The following NRG3 variants were observed in gnomAD, a reference collection of about 807,000 sequenced individuals.
The protein encoded by NRG3 is pro-neuregulin-3, membrane-bound isoform.
Under a neutral mutation model 66.9 loss-of-function variants are expected in NRG3, and 31 were observed. The observed-to-expected ratio is 0.46, with a 90% CI of 0.35 to 0.63. The LOEUF (loss-of-function observed/expected upper bound fraction) is 0.63, where lower values mean the gene tolerates loss of function less well. Ranked by LOEUF, NRG3 falls within the 20% of genes least tolerant of loss-of-function variation. The pLI is 0.00. For synonymous variants in NRG3, 393 were observed against 359.4 expected, an observed-to-expected ratio of 1.09 and a Z score of -1.06; for missense variants, 910 against 878.9, an observed-to-expected ratio of 1.04 and a Z score of -0.45.
At chr10:82,107,195 CA>C (rs1199781237) in intron 1 of NRG3, among the ~76,000 whole-genome samples, 1 of 152,156 alleles carries the variant, frequency 6.6e-6, no homozygotes, top group Non-Finnish European at 1.5e-5. Context: ...ATCCCTAATC[CA>C]AAATACTCCA....
chr10:81,969,217 C>T (rs947037825), intron 1 of NRG3, among the ~76,000 whole-genome samples: 3 of 152,000 alleles, frequency 2.0e-5, no homozygotes, highest in Non-Finnish European at 2.9e-5. Flanking sequence ...TGAAGAGCAA[C>T]CAATATGTCC....
intron 2 of NRG3, among the ~76,000 whole-genome samples, chr10:82,657,809 C>T (rs922128275): frequency 2.0e-5 from 3 of 151,540 alleles, no homozygotes; most frequent in African/African-American, 7.3e-5. Context: ...AAGATACAAA[C>T]TACTAGAGTT....
intron 1 of NRG3, among the ~76,000 whole-genome samples, chr10:81,951,785 G>C (rs1001783211): frequency 5.3e-5 from 8 of 152,154 alleles, no homozygotes; most frequent in African/African-American, 1.9e-4. Context: ...TATACCCAAA[G>C]GATTATAAAT....
intron 2 of NRG3, among the ~76,000 whole-genome samples, chr10:82,615,636 AG>A (rs2048598237): frequency 6.6e-6 from 1 of 152,190 alleles, no homozygotes; most frequent in Admixed American, 6.6e-5. Flanking sequence ...ATCAGGCTTC[AG>A]TAGATGCCAT....
rs187638552 is a variant in NRG3 at position 82,499,473 on chromosome 10, T to G, written c.953+140605T>G. On this transcript the variant is annotated intron_variant, in intron 2 of 8. Coordinates refer to ENST00000372141, the MANE Select transcript of NRG3 (RefSeq NM_001010848.4). ...ACATGTTCTTGACCTTGCCTTGCTA[T>G]TTAGGGCTTACCATATACAGATGAT... Among the ~76,000 whole-genome samples, 86 of 152,262 alleles carry G rather than the reference T, an allele frequency of 5.6e-4. No homozygotes were observed. The Middle Eastern group carries it at 0.01, about 18-fold the overall frequency.
At chr10:82,174,945 C>A (rs1284954152) in intron 1 of NRG3, among the ~76,000 whole-genome samples, 1 of 152,096 alleles carries the variant, frequency 6.6e-6, no homozygotes, top group African/African-American at 2.4e-5. Flanking sequence ...ACAGTACAAC[C>A]CTTTCCCATT....
At chr10:82,289,755 A>G (rs1211369248) in intron 1 of NRG3, among the ~76,000 whole-genome samples, 1 of 152,218 alleles carries the variant, frequency 6.6e-6, no homozygotes, top group African/African-American at 2.4e-5. Flanking sequence ...ATTTTTAACA[A>G]GAGTTCTTAA....
intron 2 of NRG3, among the ~76,000 whole-genome samples, chr10:82,382,229 G>A (rs1189691398): frequency 6.6e-6 from 1 of 151,924 alleles, no homozygotes; most frequent in Non-Finnish European, 1.5e-5. Context: ...TTGCCTTCCA[G>A]TCTTGGCCAG....
intron 1 of NRG3, among the ~76,000 whole-genome samples, chr10:82,139,906 A>T (rs2069644506): frequency 2.1e-5 from 1 of 48,470 alleles, no homozygotes; most frequent in African/African-American, 1.6e-4. Context: ...TAGATGAATC[A>T]CCAGATTTGT....
intron 1 of NRG3, among the ~76,000 whole-genome samples, chr10:81,913,700 A>G (rs1373731572): frequency 6.6e-6 from 1 of 152,182 alleles, no homozygotes; most frequent in Non-Finnish European, 1.5e-5. Context: ...CTGGGATTAC[A>G]GGCATGAGCC....
intron 1 of NRG3, among the ~76,000 whole-genome samples, chr10:82,026,884 A>AAAGGT (rs1411532840): frequency 6.6e-6 from 1 of 151,996 alleles, no homozygotes; most frequent in Non-Finnish European, 1.5e-5. Context: ...TCCCAAGCAG[A>AAAGGT]AAGGTGAAAG....
intron 1 of NRG3, among the ~76,000 whole-genome samples, chr10:82,003,031 A>G (rs1178618864): frequency 6.6e-6 from 1 of 152,190 alleles, no homozygotes; most frequent in Non-Finnish European, 1.5e-5. Context: ...ACAAGTAAAA[A>G]CATTCCCTAG....
rs138575522 is a variant in NRG3, at chr10:81,943,620, T to C, written c.823+67457T>C. On this transcript the variant is annotated intron_variant, in intron 1 of 8. Transcript: ENST00000372141. ...ATGTAAAGATACTCTGCCTAGATTG[T>C]GAATAAAGCAGAAGTGACTTAACTT... Among the ~76,000 whole-genome samples the C allele has an allele frequency of 5.4e-3, 829 of 152,232 alleles. 13 individuals are homozygous for C. The highest frequency in any genetic ancestry group is 0.019 in the African/African-American group (788 of 41,548).
intron 1 of NRG3, among the ~76,000 whole-genome samples, chr10:81,886,535 A>G (rs1842628897): frequency 6.6e-6 from 1 of 152,162 alleles, no homozygotes; most frequent in Admixed American, 6.6e-5. Flanking sequence ...TCACATGTTA[A>G]GATTTTATTC....
chr10:81,970,875 C>T (rs1261064814), intron 1 of NRG3, among the ~76,000 whole-genome samples: 1 of 152,190 alleles, frequency 6.6e-6, no homozygotes, highest in African/African-American at 2.4e-5. Context: ...CGTGGTGACT[C>T]ATGCCTGTAA....
intron 2 of NRG3, among the ~76,000 whole-genome samples, chr10:82,398,497 G>A (rs562434131): frequency 0.04 from 5,631 of 139,102 alleles, 102 homozygotes; most frequent in African/African-American, 0.064. Context: ...GTGTATGTGT[G>A]TGTGTGTGTG....
At chr10:82,210,014 G>A (rs2075318451) in intron 1 of NRG3, among the ~76,000 whole-genome samples, 2 of 152,086 alleles carry the variant, frequency 1.3e-5, no homozygotes, top group African/African-American at 2.4e-5. Context: ...GTTAATTCAA[G>A]GAAGGGTAGG....
intron 3 of NRG3, among the ~76,000 whole-genome samples, chr10:82,775,589 T>C (rs987871106): frequency 1.1e-4 from 16 of 152,128 alleles, no homozygotes; most frequent in African/African-American, 3.4e-4. Context: ...GCTGTTGTTG[T>C]ATGGAAACTT....
intron 2 of NRG3, among the ~76,000 whole-genome samples, chr10:82,648,514 T>C (rs547709697): frequency 1.6e-4 from 25 of 152,304 alleles, no homozygotes; most frequent in Admixed American, 1.4e-3. Context: ...TGTATGAACT[T>C]TAAAGTGTTT....
Sources: gnomAD v4.1 joint callset for allele counts (sites outside exome capture counted in the v4.1 genomes callset) on GRCh38, gnomAD v4.1.1 for gene constraint, MANE v1.5 for transcripts, NCBI Gene and HGNC (gene_info 2026-07-23, HGNC 2026-07-21) for gene names.